The following PCDH9 variants were observed in gnomAD, a reference collection of about 807,000 sequenced individuals.
The protein encoded by PCDH9 is protocadherin-9.
PCDH9 carries 24 observed loss-of-function variants against 70.6 expected under a neutral mutation model. That is an observed-to-expected ratio of 0.34 (90% confidence interval 0.25 to 0.48). The LOEUF is 0.48. Ranked by LOEUF, PCDH9 falls within the 20% of genes least tolerant of loss-of-function variation. PCDH9 has a pLI of 0.99. For missense variants in PCDH9, 1,281 were observed against 1,503.6 expected, an observed-to-expected ratio of 0.85 and a Z score of 2.45; for synonymous variants, 562 against 558.5, an observed-to-expected ratio of 1.01 and a Z score of -0.09.
chr13:67,063,569 G>T (rs1218518631), intron 2 of PCDH9, among the ~76,000 whole-genome samples: 3 of 150,896 alleles, frequency 2.0e-5, no homozygotes, highest in Non-Finnish European at 4.4e-5. Context: ...TTCTGATAAT[G>T]GTCACCCTCC....
intron 3 of PCDH9, among the ~76,000 whole-genome samples, chr13:66,764,890 A>G (rs764486714): frequency 6.6e-6 from 1 of 152,052 alleles, no homozygotes; most frequent in African/African-American, 2.4e-5. Flanking sequence ...AATACATCAT[A>G]TCGATTTTTT....
At chr13:66,619,838 C>A (rs2077401542) in intron 4 of PCDH9, among the ~76,000 whole-genome samples, 1 of 152,096 alleles carries the variant, frequency 6.6e-6, no homozygotes, top group African/African-American at 2.4e-5. Flanking sequence ...ATCCTGCCCC[C>A]ACCTCTGCCT....
At chr13:66,683,955 T>G (rs752766670) in intron 3 of PCDH9, among the ~76,000 whole-genome samples, 2 of 152,212 alleles carry the variant, frequency 1.3e-5, no homozygotes, top group African/African-American at 2.4e-5. Context: ...TTGTTCTGTA[T>G]AGTACTATTT....
chr13:66,613,245 C>G (rs7334597), intron 4 of PCDH9, among the ~76,000 whole-genome samples: 117,267 of 152,034 alleles, frequency 0.77, 45,607 homozygotes, highest in Admixed American at 0.85. Context: ...TGCAGACTTC[C>G]CCGTCCCTGG....
At chr13:67,167,572 C>T (rs182500791) in intron 2 of PCDH9, among the ~76,000 whole-genome samples, 2 of 152,036 alleles carry the variant, frequency 1.3e-5, no homozygotes, top group Non-Finnish European at 2.9e-5. Flanking sequence ...AAGTCAATAT[C>T]TTTTTCTTTA....
chr13:66,733,438 T>C (rs1255147893), intron 3 of PCDH9, among the ~76,000 whole-genome samples: 3 of 152,166 alleles, frequency 2.0e-5, no homozygotes, highest in African/African-American at 7.2e-5. Context: ...TTTATTAATC[T>C]TTTAACTAAA....
In PCDH9 at chr13:66,931,443, AT is replaced by A. The variant is rs530178826; in HGVS notation, c.3037-27839del. Among the ~76,000 whole-genome samples the A allele has an allele frequency of 1.7e-3, 252 of 152,280 alleles. 2 individuals are homozygous for A. The highest frequency in any genetic ancestry group is 5.8e-3 in the African/African-American group (240 of 41,578). On this transcript the variant is annotated intron_variant, in intron 2 of 4. Transcript: ENST00000377865. ...ATATGGTTGAGGAGTCTCCAAAAAA[AT>A]AAATTACTTGGCCAATCAGAAGGCT...
At chr13:66,955,821 C>A (rs941932293) in intron 2 of PCDH9, among the ~76,000 whole-genome samples, 1 of 152,134 alleles carries the variant, frequency 6.6e-6, no homozygotes. Flanking sequence ...GAATTGTACT[C>A]TTGTTATGCA....
chr13:67,085,137 C>T (rs2086081300), intron 2 of PCDH9, among the ~76,000 whole-genome samples: 1 of 150,504 alleles, frequency 6.6e-6, no homozygotes, highest in Non-Finnish European at 1.5e-5. Flanking sequence ...ATTTCATTCT[C>T]TATGTTTTCC....
rs528829293 is a variant in PCDH9, at chr13:66,631,887, T to TTTTG, written c.3139-480_3139-477dup. Among the ~76,000 whole-genome samples, 1,119 of 152,112 alleles carry TTTTG rather than the reference T, an allele frequency of 7.4e-3. 21 individuals carry two copies. The East Asian group carries it at 0.08, about 11-fold the overall frequency. On this transcript the variant is annotated intron_variant, in intron 3 of 4. Transcript: ENST00000377865. ...CATATTTCCTACAGTACCACCTCCT[T>TTTTG]TTTGTTTGTTTGTTTGTTTGTTTGA...
intron 3 of PCDH9, among the ~76,000 whole-genome samples, chr13:66,793,647 A>G (rs1195817741): frequency 6.6e-6 from 1 of 152,108 alleles, no homozygotes; most frequent in Non-Finnish European, 1.5e-5. Flanking sequence ...CTCTTTCTAG[A>G]AAAAAACAAA....
chr13:67,122,239 T>G (rs950274695), intron 2 of PCDH9, among the ~76,000 whole-genome samples: 6 of 152,132 alleles, frequency 3.9e-5, no homozygotes, highest in African/African-American at 1.4e-4. Flanking sequence ...ATATAAATCG[T>G]TCATTGTAAT....
At chr13:67,123,865 A>G (rs2086923167) in intron 2 of PCDH9, among the ~76,000 whole-genome samples, 7 of 151,696 alleles carry the variant, frequency 4.6e-5, no homozygotes, top group Admixed American at 4.6e-4. Context: ...TGTTATTTGC[A>G]TGTATATTAT....
chr13:66,993,607 C>T (rs2084047032), intron 2 of PCDH9, among the ~76,000 whole-genome samples: 1 of 152,124 alleles, frequency 6.6e-6, no homozygotes, highest in Non-Finnish European at 1.5e-5. Context: ...TTACTTTATC[C>T]TCCTCATACC....
At chr13:66,626,806 A>G (rs1011560556) in intron 4 of PCDH9, among the ~76,000 whole-genome samples, 5 of 152,182 alleles carry the variant, frequency 3.3e-5, no homozygotes, top group African/African-American at 7.2e-5. Flanking sequence ...TGTTTTTGGC[A>G]TTGCATGTAA....
chr13:66,382,602 A>G (rs1178474911), intron 4 of PCDH9, among the ~76,000 whole-genome samples: 41 of 152,128 alleles, frequency 2.7e-4, no homozygotes, highest in Admixed American at 2.7e-3. Context: ...ACTACTTTTT[A>G]TTTTTAGGAA....
intron 2 of PCDH9, among the ~76,000 whole-genome samples, chr13:67,127,325 A>G (rs2087001220): frequency 6.6e-6 from 1 of 152,190 alleles, no homozygotes; most frequent in African/African-American, 2.4e-5. Context: ...TTGTCTGTAC[A>G]TAGCGGTCCA....
At chr13:66,394,098 G>C (rs1957064768) in intron 4 of PCDH9, among the ~76,000 whole-genome samples, 1 of 152,112 alleles carries the variant, frequency 6.6e-6, no homozygotes, top group Non-Finnish European at 1.5e-5. Context: ...TTGGTGGCAG[G>C]GGGTCCAGTT....
At chr13:66,306,753 T>G (rs1955473711) in intron 4 of PCDH9, among the ~76,000 whole-genome samples, 1 of 151,928 alleles carries the variant, frequency 6.6e-6, no homozygotes, top group Admixed American at 6.6e-5. Context: ...TACTTAAAAC[T>G]TTTCCTCTCA....
Sources: allele counts gnomAD v4.1 joint callset (sites outside exome capture counted in the v4.1 genomes callset), GRCh38; gene constraint gnomAD v4.1.1; transcripts MANE v1.5; gene names NCBI Gene and HGNC (gene_info 2026-07-23, HGNC 2026-07-21).